Variants in CSMD1 observed in about 807,000 individuals in gnomAD.
CSMD1 encodes the protein CUB and sushi domain-containing protein 1.
CSMD1 carries 213 observed loss-of-function variants against 417.5 expected under a neutral mutation model. That is an observed-to-expected ratio of 0.51 (90% CI 0.46 to 0.57). CSMD1 has a LOEUF of 0.57. CSMD1 is among the 20% of genes least tolerant of loss of function. CSMD1 has a pLI of 0.00. For missense variants in CSMD1, 6,923 were observed against 4,529.7 expected, an observed-to-expected ratio of 1.53 and a Z score of -15.17; for synonymous variants, 2,862 against 1,736.8, an observed-to-expected ratio of 1.65 and a Z score of -16.11.
At chr8:4,810,082 G>A (rs1203727497) in intron 1 of CSMD1, among the ~76,000 whole-genome samples, 2 of 152,152 alleles carry the variant, frequency 1.3e-5, no homozygotes, top group Non-Finnish European at 2.9e-5. Context: ...AGCTCATTTG[G>A]TAACTATTTC....
chr8:3,692,504 C>T (rs968239443), intron 7 of CSMD1, among the ~76,000 whole-genome samples: 2 of 140,512 alleles, frequency 1.4e-5, no homozygotes, highest in South Asian at 2.1e-4. Context: ...TGCACTGGCG[C>T]GATATCGGCT....
intron 2 of CSMD1, among the ~76,000 whole-genome samples, chr8:4,566,280 T>C (rs1158005206): frequency 1.3e-5 from 2 of 152,132 alleles, no homozygotes; most frequent in Non-Finnish European, 1.5e-5. Flanking sequence ...TCTAGTAAGT[T>C]ATTGACAAAA....
chr8:4,355,848 G>A (rs1449729070), intron 3 of CSMD1, among the ~76,000 whole-genome samples: 1 of 152,220 alleles, frequency 6.6e-6, no homozygotes, highest in Admixed American at 6.5e-5. Flanking sequence ...GAAAGTAGAG[G>A]AGCTTTGGAG....
intron 40 of CSMD1, among the ~76,000 whole-genome samples, chr8:3,150,069 G>C (rs1819098206): frequency 6.6e-6 from 1 of 152,198 alleles, no homozygotes. Flanking sequence ...GATGGGCCCA[G>C]CTTGGGAGAA....
intron 1 of CSMD1, among the ~76,000 whole-genome samples, chr8:4,758,602 A>G (rs144872470): frequency 1.3e-5 from 2 of 152,312 alleles, no homozygotes; most frequent in African/African-American, 4.8e-5. Context: ...TTTATAAACA[A>G]AAGATGTTTA....
chr8:4,022,186 A>G (rs550902237), intron 4 of CSMD1, among the ~76,000 whole-genome samples: 95 of 146,700 alleles, frequency 6.5e-4, no homozygotes, highest in Non-Finnish European at 9.4e-4. Context: ...ATTTATGTGT[A>G]TATATATATA....
intron 2 of CSMD1, among the ~76,000 whole-genome samples, chr8:4,630,059 G>A (rs1402141888): frequency 6.6e-6 from 1 of 152,040 alleles, no homozygotes; most frequent in Non-Finnish European, 1.5e-5. Context: ...GCCAAGATAT[G>A]GAAGTGAACC....
At chr8:3,610,801 G>T (rs1382156359) in intron 8 of CSMD1, among the ~76,000 whole-genome samples, 1 of 152,048 alleles carries the variant, frequency 6.6e-6, no homozygotes, top group Non-Finnish European at 1.5e-5. Context: ...GCCTGGAAAG[G>T]TGGAATTTTA....
At chr8:4,354,827 T>C (rs6994697) in intron 3 of CSMD1, among the ~76,000 whole-genome samples, 2,968 of 150,486 alleles carry the variant, frequency 0.02, 99 homozygotes, top group African/African-American at 0.069. Context: ...ACCTGGTTTC[T>C]GAGCTCTCAC....
Position 3,108,738 on chromosome 8 carries a change from C to G in CSMD1, c.6619G>C (p.Asp2207His). 1 of 1,612,396 alleles carries G rather than the reference C, an allele frequency of 6.2e-7. No homozygotes were observed. The highest frequency in any genetic ancestry group is 8.5e-7 in the Non-Finnish European group (1 of 1,179,008). Residue 2207 changes from aspartate to histidine, a missense_variant, in exon 44 of 70, where the codon GAT becomes CAT. Transcript: ENST00000635120. Reference sequence around the variant, plus strand: ...ACTCCCAGCTGGGGTGAGTTCTGATCGGGACCGTCCCTAGGAAAGACAGAA... The same window carrying G: ...ACTCCCAGCTGGGGTGAGTTCTGATGGGGACCGTCCCTAGGAAAGACAGAA... The part of the protein sequence containing the change: ...NDYIAVWDGP[D>H]QNSPQLGVFS...
chr8:3,948,385 A>G (rs557540481), intron 5 of CSMD1, among the ~76,000 whole-genome samples: 1 of 152,286 alleles, frequency 6.6e-6, no homozygotes, highest in African/African-American at 2.4e-5. Context: ...GCACTGATGC[A>G]TACAGGAGAG....
intron 1 of CSMD1, among the ~76,000 whole-genome samples, chr8:4,847,293 G>A (rs1449917118): frequency 6.6e-6 from 1 of 152,174 alleles, no homozygotes; most frequent in East Asian, 1.9e-4. Context: ...GATTTTAAGA[G>A]AATTGGCATA....
chr8:4,784,892 G>C (rs746517271), intron 1 of CSMD1, among the ~76,000 whole-genome samples: 1 of 152,112 alleles, frequency 6.6e-6, no homozygotes, highest in Non-Finnish European at 1.5e-5. Context: ...GCCCTTGAGC[G>C]AATCTCATAC....
At chr8:3,701,106 C>G (rs1342520276) in intron 7 of CSMD1, among the ~76,000 whole-genome samples, 3 of 151,882 alleles carry the variant, frequency 2.0e-5, no homozygotes, top group Non-Finnish European at 4.4e-5. Flanking sequence ...GTGGAAGTCA[C>G]AGACTTCTTC....
chr8:2,965,718 T>A, intron 59 of CSMD1, 57 bp downstream of exon 59: 2 of 1,466,820 alleles, frequency 1.4e-6, no homozygotes, highest in African/African-American at 2.8e-5. Context: ...AAACAAAGCA[T>A]AATTCAATAA....
chr8:4,219,936 AT>A (rs1443319889), intron 3 of CSMD1, among the ~76,000 whole-genome samples: 2 of 151,930 alleles, frequency 1.3e-5, no homozygotes, highest in African/African-American at 2.4e-5. Context: ...ACTCAAGATA[AT>A]TTTTTAAAAA....
chr8:3,036,181 T>C (rs548631337), intron 50 of CSMD1, among the ~76,000 whole-genome samples: 155 of 152,324 alleles, frequency 1.0e-3, no homozygotes, highest in African/African-American at 3.6e-3. Context: ...TGGCCGTGAG[T>C]AATTCTGATT....
At chr8:4,015,445 G>A (rs908086693) in intron 4 of CSMD1, among the ~76,000 whole-genome samples, 1 of 151,912 alleles carries the variant, frequency 6.6e-6, no homozygotes, top group Non-Finnish European at 1.5e-5. Context: ...GTGACATATT[G>A]CCATTTCCAG....
chr8:4,183,038 A>G lies in CSMD1; in HGVS notation c.416-150939T>C, dbSNP rs187377551. ...ATGGGATGAGTAGAAAGTACACGTG[A>G]TTGTGTTATATGCACAGATACCACT... On this transcript the variant is annotated intron_variant, in intron 3 of 69. Coordinates refer to ENST00000635120, the MANE Select transcript of CSMD1 (RefSeq NM_033225.6). Among the ~76,000 whole-genome samples, 5 of 152,324 alleles carry G rather than the reference A, an allele frequency of 3.3e-5. No homozygotes were observed. The East Asian group carries it at 9.6e-4, about 29-fold the overall frequency.
Sources: allele counts gnomAD v4.1 joint callset (sites outside exome capture counted in the v4.1 genomes callset), GRCh38; gene constraint gnomAD v4.1.1; transcripts MANE v1.5; gene names NCBI Gene and HGNC (gene_info 2026-07-23, HGNC 2026-07-21).